The following PABIR3 variants were observed in gnomAD, a reference collection of about 807,000 sequenced individuals.
PABIR3 encodes the protein PABIR family member 1.
A neutral mutation model predicts 23.1 loss-of-function variants in PABIR3; 20 were observed. The observed-to-expected ratio is 0.86, with a 90% confidence interval of 0.61 to 1.26. The LOEUF is 1.26. Ranked by LOEUF, PABIR3 falls within the 50% of genes most tolerant of loss-of-function variation. The pLI, the probability that PABIR3 is intolerant of heterozygous loss-of-function variation, is 0.00. For synonymous variants in PABIR3, 69 were observed against 68.5 expected, an observed-to-expected ratio of 1.01 and a Z score of -0.04; for missense variants, 189 against 195.4, an observed-to-expected ratio of 0.97 and a Z score of 0.20.
At chrX:134,853,544 A>G (rs913875324) in intron 10 of PABIR3, among the ~76,000 whole-genome samples, 2 of 111,428 alleles carry the variant, frequency 1.8e-5, no homozygotes, top group African/African-American at 6.5e-5. Context: ...GGTTGAGAGT[A>G]TTATTGAAAA....
rs773864254 is a variant in PABIR3, at chrX:134,814,864, A to G, written c.189+15A>G. ...GACGCTCTCTGGTAAGGAAATGCTT[A>G]TAGTGGCCTCCCTGTCTAAGACTTG... On this transcript the variant is annotated intron_variant, in intron 3 of 10. Transcript: ENST00000645433. 3.5e-6 allele frequency: 4 copies of G among 1,137,930 alleles called. No individual in the cohort carries two copies. Among genetic ancestry groups the G allele is most frequent in the Non-Finnish European group, 4.8e-6 (4 of 838,819 alleles). The allele number at this position is 1,137,930 out of a possible 1,213,427, so 93.8% of individuals were successfully genotyped here. A position where few individuals can be genotyped will look rare whatever the true frequency, so the allele number is the denominator to read the frequency against.
rs557001175 is a variant in PABIR3, at chrX:134,809,445, G to T, written c.110+1737G>T. 1,980 of 735,653 alleles carry T rather than the reference G, an allele frequency of 2.7e-3. 4 individuals are homozygous for T. The highest frequency in any genetic ancestry group is 3.0e-3 in the Non-Finnish European group (1,872 of 623,409). 60.6% of individuals were successfully genotyped at this position (735,653 alleles called of 1,213,427 possible). ...CTCCCAAAGTGTTGGGATTACAGGC[G>T]TGAGCCACTGCGCCTGGCCTAAATC... On this transcript the variant is annotated intron_variant, in intron 2 of 10. Coordinates refer to ENST00000645433, the MANE Select transcript of PABIR3 (RefSeq NM_001388447.1).
At position 134,854,183 on chromosome X, in the gene PABIR3, T is replaced by C. The variant is rs1171569221; in HGVS notation, c.779T>C (p.Val260Ala). Residue 260 changes from valine (V) to alanine (A), a missense_variant, in exon 11 of 11, where the codon GTG (valine) becomes GCG (alanine). Coordinates refer to ENST00000645433, the MANE Select transcript of PABIR3 (RefSeq NM_001388447.1). ...AEIGTVTNSP[V>A]SPSDTGSHLF ...ATCGGCACTGTCACAAACTCTCCTG[T>C]GTCACCTTCTGATACTGGTTCTCAT... 2 of 1,209,022 alleles carry C rather than the reference T, an allele frequency of 1.7e-6. No individual in the cohort carries two copies. Among genetic ancestry groups the C allele is most frequent in the Non-Finnish European group, 2.2e-6 (2 of 894,699 alleles).
At chrX:134,843,228 T>A (rs1417619354) in intron 4 of PABIR3, among the ~76,000 whole-genome samples, 1 of 111,250 alleles carries the variant, frequency 9.0e-6, no homozygotes, top group Non-Finnish European at 1.9e-5. Context: ...TTAATTTTGA[T>A]GAAGACCAGT....
At chrX:134,847,362 C>T in intron 6 of PABIR3, 21 bp from the exon 7 acceptor site, 1 of 1,153,997 alleles carries the variant, frequency 8.7e-7, no homozygotes, top group Non-Finnish European at 1.2e-6. Context: ...TACAATTGTA[C>T]ACTGCTTTCT....
chrX:134,801,851 CTT>C (rs371529992), intron 1 of PABIR3, among the ~76,000 whole-genome samples: 10 of 99,068 alleles, frequency 1.0e-4, no homozygotes, highest in Admixed American at 2.2e-4. Flanking sequence ...GAAAATTCGA[CTT>C]TTTTTTTTTT....
the PABIR3 span, among the ~76,000 whole-genome samples, chrX:134,862,007 G>A: frequency 9.0e-6 from 1 of 110,893 alleles, no homozygotes; most frequent in Non-Finnish European, 1.9e-5. Flanking sequence ...TCATTCCATG[G>A]AAATCTTGGC....
At chrX:134,840,360 A>C (rs1320228996) in intron 4 of PABIR3, among the ~76,000 whole-genome samples, 2 of 111,486 alleles carry the variant, frequency 1.8e-5, no homozygotes, top group East Asian at 2.8e-4. Flanking sequence ...ATCAATAAAA[A>C]AAAAAACAAA....
At chrX:134,849,586 C>T (rs2082552523) in intron 9 of PABIR3, among the ~76,000 whole-genome samples, 1 of 111,098 alleles carries the variant, frequency 9.0e-6, no homozygotes, top group Admixed American at 9.7e-5. Flanking sequence ...AATGTCAACC[C>T]CTGCCTCACT....
Position 134,829,226 on chromosome X carries a change from T to A in PABIR3, c.190T>A (p.Leu64Met). 8.3e-7 allele frequency: 1 copy of A among 1,206,622 alleles called. No homozygotes were observed. The highest frequency in any genetic ancestry group is 1.1e-6 in the Non-Finnish European group (1 of 891,304). ...RTTFRNRRSL[L>M]LPPPPFHGSI... ...TTGACTTCTATATTTTAAATTTCAG[T>A]TGTTGCCACCTCCTCCCTTTCATGG... Residue 64 changes from leucine (L) to methionine (M), a missense_variant and splice_region_variant, in exon 4 of 11, where the codon TTG (leucine) becomes ATG (methionine). Coordinates refer to ENST00000645433, the MANE Select transcript of PABIR3 (RefSeq NM_001388447.1).
intron 3 of PABIR3, among the ~76,000 whole-genome samples, chrX:134,823,697 C>T (rs2081387692): frequency 9.0e-6 from 1 of 111,276 alleles, no homozygotes; most frequent in Admixed American, 9.7e-5. Context: ...GTTCATGCCA[C>T]TGCACAACTT....
intron 4 of PABIR3, among the ~76,000 whole-genome samples, chrX:134,839,954 A>T (rs1324059094): frequency 8.9e-6 from 1 of 112,720 alleles, no homozygotes. Context: ...GAGAAATCGG[A>T]TGGTTGCCGT....
At chrX:134,825,304 T>C (rs2081457431) in intron 3 of PABIR3, among the ~76,000 whole-genome samples, 1 of 111,946 alleles carries the variant, frequency 8.9e-6, no homozygotes, top group South Asian at 3.7e-4. Context: ...GAGTGTTTGA[T>C]GATGGTAGTA....
upstream of PABIR3, among the ~76,000 whole-genome samples, chrX:134,804,474 G>C (rs2080146103): frequency 9.0e-6 from 1 of 111,374 alleles, no homozygotes; most frequent in African/African-American, 3.3e-5. Flanking sequence ...TTTGATAATA[G>C]CTGTAAACTT....
At chrX:134,847,779 C>A in intron 7 of PABIR3, 104 bp from the exon 8 acceptor site, 1 of 599,157 alleles carries the variant, frequency 1.7e-6, no homozygotes, top group Non-Finnish European at 2.7e-6. Flanking sequence ...ATCTTTTGTA[C>A]CCCAGTCTCC....
chrX:134,860,719 CTGAGT>C, the PABIR3 span, among the ~76,000 whole-genome samples: 1 of 111,507 alleles, frequency 9.0e-6, no homozygotes, highest in East Asian at 2.8e-4. Flanking sequence ...GCTGGGGCAA[CTGAGT>C]AGTCACATGT....
At chrX:134,856,475 C>A (rs755236263), downstream of PABIR3, among the ~76,000 whole-genome samples, 16 of 110,303 alleles carry the variant, frequency 1.5e-4, no homozygotes, top group East Asian at 2.6e-3. Flanking sequence ...CAATGAGCCA[C>A]CCCACCCAGC....
At chrX:134,829,602 A>AT (rs1344113270) in intron 4 of PABIR3, among the ~76,000 whole-genome samples, 2 of 112,027 alleles carry the variant, frequency 1.8e-5, no homozygotes, top group African/African-American at 6.5e-5. Flanking sequence ...TGTAGTTATT[A>AT]TTTTTTTAAC....
intron 3 of PABIR3, 88 bp from the exon 4 acceptor site, chrX:134,829,138 T>C: frequency 2.6e-6 from 2 of 756,701 alleles, no homozygotes; most frequent in Non-Finnish European, 4.1e-6. Context: ...TAAATAAATA[T>C]TTTAGGTAAT....
Sources: gnomAD v4.1 joint callset for allele counts (sites outside exome capture counted in the v4.1 genomes callset) on GRCh38, gnomAD v4.1.1 for gene constraint, MANE v1.5 for transcripts, NCBI Gene and HGNC (gene_info 2026-07-23, HGNC 2026-07-21) for gene names.